The following ROBO1 variants were observed in gnomAD, a reference collection of about 807,000 sequenced individuals.
ROBO1 encodes roundabout homolog 1.
A neutral mutation model predicts 195.9 loss-of-function variants in ROBO1; 149 were observed. That is an observed-to-expected ratio of 0.76 (90% CI 0.67 to 0.87). The LOEUF is 0.87. Among genes scored for constraint, ROBO1 ranks in the 40% least tolerant of loss-of-function variants. The pLI is 0.00. For missense variants in ROBO1, 1,933 were observed against 2,068.3 expected, an observed-to-expected ratio of 0.93 and a Z score of 1.27; for synonymous variants, 816 against 733.2, an observed-to-expected ratio of 1.11 and a Z score of -1.82.
chr3:79,587,199 G>A (rs1943857020), intron 2 of ROBO1, among the ~76,000 whole-genome samples: 1 of 151,374 alleles, frequency 6.6e-6, no homozygotes, highest in African/African-American at 2.4e-5. Flanking sequence ...TTTTAAAAAT[G>A]TATTATACAG....
chr3:79,208,114 G>A (rs555122264), intron 2 of ROBO1, among the ~76,000 whole-genome samples: 116 of 152,176 alleles, frequency 7.6e-4, no homozygotes, highest in Non-Finnish European at 1.4e-3. Context: ...GTTTGAATAT[G>A]GTTATCCATG....
At chr3:79,498,174 AT>A (rs370858754) in intron 2 of ROBO1, among the ~76,000 whole-genome samples, 121 of 152,290 alleles carry the variant, frequency 7.9e-4, no homozygotes, top group African/African-American at 2.7e-3. Context: ...TTTCAAAAGC[AT>A]TTTTGTCATC....
intron 4 of ROBO1, among the ~76,000 whole-genome samples, chr3:78,773,138 G>A (rs566063805): frequency 1.3e-5 from 2 of 152,158 alleles, no homozygotes; most frequent in Admixed American, 6.5e-5. Context: ...TTAAGGATTT[G>A]TTATATATTC....
chr3:78,632,580 CT>C (rs1185069601), intron 24 of ROBO1, among the ~76,000 whole-genome samples: 1 of 152,158 alleles, frequency 6.6e-6, no homozygotes, highest in Non-Finnish European at 1.5e-5. Context: ...TCTCCTATAC[CT>C]TATTTACTTG....
chr3:79,614,731 A>T (rs1328043934), intron 1 of ROBO1, among the ~76,000 whole-genome samples: 2 of 152,144 alleles, frequency 1.3e-5, no homozygotes, highest in Non-Finnish European at 1.5e-5. Context: ...TGCCAGTTCC[A>T]TTGATCACAA....
chr3:79,154,457 T>A (rs780141113), intron 2 of ROBO1, among the ~76,000 whole-genome samples: 26 of 151,772 alleles, frequency 1.7e-4, no homozygotes, highest in Non-Finnish European at 3.4e-4. Context: ...TTGCATTTCA[T>A]ATGAGAGAGA....
At chr3:78,968,272 T>G (rs1175110360) in intron 3 of ROBO1, among the ~76,000 whole-genome samples, 1 of 61,930 alleles carries the variant, frequency 1.6e-5, no homozygotes, top group East Asian at 6.0e-4. Context: ...GTATAGATTC[T>G]TTTTTTTTTT....
At chr3:79,303,481 T>C (rs1391666542) in intron 2 of ROBO1, among the ~76,000 whole-genome samples, 1 of 152,122 alleles carries the variant, frequency 6.6e-6, no homozygotes, top group Non-Finnish European at 1.5e-5. Flanking sequence ...ATCATTTTTG[T>C]GGTGAGAATA....
intron 21 of ROBO1, among the ~76,000 whole-genome samples, chr3:78,640,268 T>C (rs941234682): frequency 7.2e-5 from 11 of 152,236 alleles, no homozygotes; most frequent in Admixed American, 5.9e-4. Flanking sequence ...TTGGCACTTC[T>C]TCATTTTGAC....
At chr3:79,343,586 G>C (rs1484981237) in intron 2 of ROBO1, among the ~76,000 whole-genome samples, 1 of 152,158 alleles carries the variant, frequency 6.6e-6, no homozygotes, top group Admixed American at 6.6e-5. Flanking sequence ...GAGAAAGTTA[G>C]TGAGAAGTCT....
chr3:79,741,037 G>C lies in ROBO1; in HGVS notation c.-51+26715C>G, dbSNP rs529436295. Among the ~76,000 whole-genome samples, 380 of 152,192 alleles carry C rather than the reference G, an allele frequency of 2.5e-3. 2 individuals are homozygous for C. Among genetic ancestry groups the C allele is most frequent in the African/African-American group, 8.9e-3 (368 of 41,528 alleles). On this transcript the variant is annotated intron_variant, in intron 1 of 30. Transcript: ENST00000464233. ...AGTGAAATCCATTTCCCCAAATTTT[G>C]AGTTGGCCATAAGACTTAGTTTTGC...
chr3:78,922,873 C>A (rs769063455), intron 4 of ROBO1, among the ~76,000 whole-genome samples: 3 of 152,080 alleles, frequency 2.0e-5, no homozygotes, highest in African/African-American at 7.2e-5. Context: ...GCTGGCATTA[C>A]AGGTGTGAGC....
At chr3:79,461,275 C>T (rs1937626165) in intron 2 of ROBO1, among the ~76,000 whole-genome samples, 1 of 152,034 alleles carries the variant, frequency 6.6e-6, no homozygotes, top group African/African-American at 2.4e-5. Context: ...GCCTGTGGTG[C>T]TTTAACCACC....
At position 78,639,905 on chromosome 3, in the gene ROBO1, A is replaced by T. The variant is rs80015142; in HGVS notation, c.2883-7T>A. 3.2e-6 allele frequency: 4 copies of T among 1,246,942 alleles called. No homozygotes were observed. The highest frequency in any genetic ancestry group is 1.7e-5 in the African/African-American group (1 of 60,364). 77.2% of individuals were successfully genotyped at this position (1,246,942 alleles called of 1,614,324 possible). A position where few individuals can be genotyped will look rare whatever the true frequency, so the allele number is the denominator to read the frequency against. ...GATGTTGAGAAGTCCAGGCCTAAATAAAAAAAAAATATTAAAGCAAATGTT... is the reference window on the plus strand; with the variant it reads ...GATGTTGAGAAGTCCAGGCCTAAATTAAAAAAAAATATTAAAGCAAATGTT... On this transcript the variant is annotated splice_region_variant and splice_polypyrimidine_tract_variant and intron_variant, in intron 21 of 30. Transcript: ENST00000464233.
rs534296007 is a variant in ROBO1 at position 78,848,348 on chromosome 3, T to C, written c.499+90253A>G. On this transcript the variant is annotated intron_variant, in intron 4 of 30. Transcript: ENST00000464233. ...TTACTGTTGCACCAACCTAATATTT[T>C]CATTCAGTCAATCATTCATTCAACT... Among the ~76,000 whole-genome samples, 13 of 152,328 alleles carry C rather than the reference T, an allele frequency of 8.5e-5. No individual in the cohort carries two copies. The South Asian group carries it at 2.7e-3, about 32-fold the overall frequency.
chr3:79,246,995 A>C (rs780371797), intron 2 of ROBO1, among the ~76,000 whole-genome samples: 5 of 152,030 alleles, frequency 3.3e-5, no homozygotes, highest in Non-Finnish European at 5.9e-5. Flanking sequence ...AATAAATGCC[A>C]GTTATTATAA....
chr3:79,417,991 C>T (rs567727246), intron 2 of ROBO1, among the ~76,000 whole-genome samples: 1 of 152,072 alleles, frequency 6.6e-6, no homozygotes, highest in Non-Finnish European at 1.5e-5. Context: ...ATGGCCTCTT[C>T]ATAAGATAGA....
At chr3:79,000,087 G>A (rs1379902320) in intron 3 of ROBO1, among the ~76,000 whole-genome samples, 2 of 151,992 alleles carry the variant, frequency 1.3e-5, no homozygotes, top group African/African-American at 4.8e-5. Flanking sequence ...CTGAGACTGG[G>A]TAACTTATAA....
intron 2 of ROBO1, among the ~76,000 whole-genome samples, chr3:79,134,157 C>T (rs897618485): frequency 6.9e-6 from 1 of 144,952 alleles, no homozygotes; most frequent in African/African-American, 2.6e-5. Flanking sequence ...GGGCTAATAT[C>T]CGGAATCTAC....
Sources: gnomAD v4.1 joint callset for allele counts (sites outside exome capture counted in the v4.1 genomes callset) on GRCh38, gnomAD v4.1.1 for gene constraint, MANE v1.5 for transcripts, NCBI Gene and HGNC (gene_info 2026-07-23, HGNC 2026-07-21) for gene names.